The following GBP1 variants were observed in gnomAD, a reference collection of about 807,000 sequenced individuals.
The protein encoded by GBP1 is guanylate-binding protein 1.
In GBP1, 64 loss-of-function variants were observed where a neutral mutation model predicts 69.5. The ratio of observed to expected loss-of-function variants is 0.92; its 90% CI spans 0.75 to 1.13. The LOEUF (loss-of-function observed/expected upper bound fraction) is 1.13. GBP1 is among the 50% of genes most tolerant of loss of function. The pLI, the probability that GBP1 is intolerant of heterozygous loss-of-function variation, is 0.00. For synonymous variants in GBP1, 250 were observed against 261.2 expected, an observed-to-expected ratio of 0.96 and a Z score of 0.41; for missense variants, 630 against 704.1, an observed-to-expected ratio of 0.89 and a Z score of 1.19.
chr1:89,064,608 G>A lies in GBP1; in HGVS notation c.-20+552C>T, dbSNP rs1225977066. Among the ~76,000 whole-genome samples the A allele has an allele frequency of 7.2e-5, 11 of 152,264 alleles. No homozygotes were observed. In the East Asian group the frequency reaches 1.5e-3, roughly 21 times the overall value. ...CCATTCTGAAACAAAGTTCACAAGT[G>A]TAATAAAAAGTATACTGTTTTCATG... On this transcript the variant is annotated intron_variant, in intron 1 of 10. Coordinates refer to ENST00000370473, the MANE Select transcript of GBP1 (RefSeq NM_002053.3).
chr1:89,063,694 G>T (rs984937193), intron 1 of GBP1, among the ~76,000 whole-genome samples: 1 of 152,174 alleles, frequency 6.6e-6, no homozygotes, highest in Admixed American at 6.5e-5. Context: ...TTTACCCTTA[G>T]AAAAATTTCC....
At chr1:89,055,432 C>T in intron 8 of GBP1, 7 of 568,206 alleles carry the variant, frequency 1.2e-5, no homozygotes, top group Non-Finnish European at 2.2e-5. Flanking sequence ...AATATAGATA[C>T]TGGGAAAAGG....
Position 89,053,290 on chromosome 1 carries a change from T to A in GBP1, c.*65A>T, listed in dbSNP as rs144184106. Reference sequence around the variant, plus strand: ...TAATTATTATCAAATGTAGTGACGCTTGTTCCAAATTCTAAAATTGTTTCA... The same window carrying A: ...TAATTATTATCAAATGTAGTGACGCATGTTCCAAATTCTAAAATTGTTTCA... On this transcript the variant is annotated 3_prime_UTR_variant, in exon 11 of 11. Transcript: ENST00000370473. The A allele has an allele frequency of 5.5e-5, 70 of 1,265,444 alleles. No individual in the cohort carries two copies. The African/African-American group carries it at 8.9e-4, about 16-fold the overall frequency. 78.4% of individuals were successfully genotyped at this position (1,265,444 alleles called of 1,614,324 possible). A position where few individuals can be genotyped will look rare whatever the true frequency, so the allele number is the denominator to read the frequency against.
chr1:89,053,763 C>T (rs1026878063), intron 10 of GBP1, among the ~76,000 whole-genome samples: 7 of 152,186 alleles, frequency 4.6e-5, no homozygotes, highest in East Asian at 1.9e-4. Flanking sequence ...TAGCAGAAGA[C>T]AGGTAAGAAA....
Position 89,057,024 on chromosome 1 carries a change from G to A in GBP1, c.985C>T (p.Gln329Ter), listed in dbSNP as rs1361177095. 1.2e-6 allele frequency: 2 copies of A among 1,614,188 alleles called. No homozygotes were observed. The highest frequency in any genetic ancestry group is 1.7e-6 in the Non-Finnish European group (2 of 1,180,034). ...TGTTCATAGTGGGCAATAGCCTTTT[G>A]CACTGCAGCTGAGTTCTCTATCTGG... is the stretch of plus-strand genomic sequence containing the variant. Reference protein sequence around the residue: ...LAQIENSAAVQKAIAHYEQQM... With the variant: ...LAQIENSAAV The change falls in exon 7 of 11, where the codon CAA becomes TAA. Residue 329 changes from glutamine to a stop codon, truncating the protein, a stop_gained. Coordinates refer to ENST00000370473, the MANE Select transcript of GBP1 (RefSeq NM_002053.3). LOFTEE classifies it high-confidence loss of function.
chr1:89,053,277 A>G lies in GBP1; in HGVS notation c.*78T>C. On this transcript the variant is annotated 3_prime_UTR_variant, in exon 11 of 11. Transcript: ENST00000370473. ...ATGATGCAAGATCTAATTATTATCAAATGTAGTGACGCTTGTTCCAAATTC... is the reference window on the plus strand; with the variant it reads ...ATGATGCAAGATCTAATTATTATCAGATGTAGTGACGCTTGTTCCAAATTC... The G allele has an allele frequency of 9.6e-7, 1 of 1,045,448 alleles. No homozygotes were observed. Among genetic ancestry groups the G allele is most frequent in the Non-Finnish European group, 1.4e-6 (1 of 706,000 alleles). 64.8% of individuals were successfully genotyped at this position (1,045,448 alleles called of 1,614,324 possible).
In GBP1 at chr1:89,053,423, T is replaced by C; in HGVS notation, c.1711A>G (p.Ile571Val). Residue 571 changes from isoleucine to valine, a missense_variant, in exon 11 of 11, where the codon ATA (isoleucine) becomes GTA (valine). Physicochemically the swap from Ile to Val is conservative, Grantham distance 29. This residue lies in a region of GBP1 where 71 missense variants were observed against 72.7 expected (regional missense o/e 0.98). Coordinates refer to ENST00000370473, the MANE Select transcript of GBP1 (RefSeq NM_002053.3). Reference sequence around the variant, plus strand: ...AGATCCTGTATCTCATTTTTCATTATTCTGCTTTCTTTTTGAAATCCCTCT... The same window carrying C: ...AGATCCTGTATCTCATTTTTCATTACTCTGCTTTCTTTTTGAAATCCCTCT... ...LKEGFQKESR[I>V]MKNEIQDLQT... is the part of the protein sequence containing the mutation. The C allele has an allele frequency of 1.2e-6, 2 of 1,614,000 alleles. No homozygotes were observed. The highest frequency in any genetic ancestry group is 2.2e-5 in the South Asian group (2 of 91,072).
chr1:89,052,970 G>A lies in GBP1; in HGVS notation c.*385C>T, dbSNP rs1383853000. On this transcript the variant is annotated 3_prime_UTR_variant, in exon 11 of 11. Coordinates refer to ENST00000370473, the MANE Select transcript of GBP1 (RefSeq NM_002053.3). Reference sequence around the variant, plus strand: ...AACTGTACATTGTCTTCACTAAGAAGCTAGGGTGGTTGTCCTTGATATTGG... The same window carrying A: ...AACTGTACATTGTCTTCACTAAGAAACTAGGGTGGTTGTCCTTGATATTGG... The A allele has an allele frequency of 2.4e-5, 4 of 168,002 alleles. No homozygotes were observed. The highest frequency in any genetic ancestry group is 5.1e-5 in the Non-Finnish European group (4 of 79,044). The allele number at this position is 168,002 out of a possible 1,614,324, so 10.4% of individuals were successfully genotyped here.
rs771169306 is a variant in GBP1, at chr1:89,057,154, G to T, written c.875-20C>A. The T allele has an allele frequency of 1.4e-5, 22 of 1,612,424 alleles. No homozygotes were observed. The highest frequency in any genetic ancestry group is 1.7e-5 in the Non-Finnish European group (20 of 1,178,664). Reference sequence around the variant, plus strand: ...CTAGACCTGCATATGAAGAACAAATGATAATGTTTCTGGTGGTAAAGAAAG... The same window carrying T: ...CTAGACCTGCATATGAAGAACAAATTATAATGTTTCTGGTGGTAAAGAAAG... On this transcript the variant is annotated intron_variant, in intron 6 of 10. Transcript: ENST00000370473.
At chr1:89,062,888 C>A in intron 2 of GBP1, 157 bp downstream of exon 2, 3 of 822,262 alleles carry the variant, frequency 3.6e-6, no homozygotes, top group Non-Finnish European at 1.9e-6. Flanking sequence ...TGATTCTTAT[C>A]CCCTAGAACA....
intron 1 of GBP1, among the ~76,000 whole-genome samples, chr1:89,064,748 G>A (rs1680294102): frequency 6.6e-6 from 1 of 152,096 alleles, no homozygotes; most frequent in Admixed American, 6.5e-5. Context: ...GAACCCGTTT[G>A]TAACTCTTCC....
intron 2 of GBP1, 112 bp downstream of exon 2, chr1:89,062,933 G>T: frequency 7.5e-7 from 1 of 1,329,480 alleles, no homozygotes; most frequent in Non-Finnish European, 1.1e-6. Flanking sequence ...TGAATGGAAA[G>T]TTAGCTTTCA....
chr1:89,062,126 T>C (rs1327415696), intron 2 of GBP1, among the ~76,000 whole-genome samples: 1 of 152,164 alleles, frequency 6.6e-6, no homozygotes, highest in African/African-American at 2.4e-5. Context: ...AAAGTTAACA[T>C]GCAATGACTG....
Position 89,057,129 on chromosome 1 carries a change from C to T in GBP1, c.880G>A (p.Glu294Lys). The T allele has an allele frequency of 1.2e-6, 2 of 1,614,200 alleles. No homozygotes were observed. The highest frequency in any genetic ancestry group is 1.7e-6 in the Non-Finnish European group (2 of 1,179,980). Residue 294 changes from glutamate to lysine, a missense_variant, in exon 7 of 11, where the codon GAG becomes AAG. This residue lies in a region of GBP1 where 367 missense variants were observed against 369.5 expected (regional missense o/e 0.99). Coordinates refer to ENST00000370473, the MANE Select transcript of GBP1 (RefSeq NM_002053.3). ...TTGACGTAGGTCAGCACCAGGCTCTCTAGACCTGCATATGAAGAACAAATG... is the reference window on the plus strand; with the variant it reads ...TTGACGTAGGTCAGCACCAGGCTCTTTAGACCTGCATATGAAGAACAAATG... ...GGIQVNGPRL[E>K]SLVLTYVNAI...
intron 1 of GBP1, among the ~76,000 whole-genome samples, chr1:89,064,372 A>T (rs1280208309): frequency 6.6e-6 from 1 of 152,148 alleles, no homozygotes; most frequent in Non-Finnish European, 1.5e-5. Flanking sequence ...GTCTGAGTGC[A>T]TGGAGAGGTT....
rs1388851929 is a variant in GBP1, at chr1:89,055,858, T to C, written c.1368+158A>G. 138 of 846,774 alleles carry C rather than the reference T, an allele frequency of 1.6e-4. No homozygotes were observed. In the East Asian group the frequency reaches 3.4e-3, roughly 21 times the overall value. The allele number at this position is 846,774 out of a possible 1,614,324, so 52.5% of individuals were successfully genotyped here. On this transcript the variant is annotated intron_variant, in intron 8 of 10. Transcript: ENST00000370473. The stretch of plus-strand genomic sequence containing the variant: ...CTCTCTTTGATGAGCACCTAGGACA[T>C]ATCTGGTATAACAGCCTGTTTGCAT...
chr1:89,056,041 T>C lies in GBP1; in HGVS notation c.1343A>G (p.Tyr448Cys). The C allele has an allele frequency of 6.2e-7, 1 of 1,613,990 alleles. No homozygotes were observed. Among genetic ancestry groups the C allele is most frequent in the Non-Finnish European group, 8.5e-7 (1 of 1,179,864 alleles). ...CTGTATCCCCTTCCTCGGTTCCTCA[T>C]AGTACTTTTTCTTCAGGTCTTGTAG... Reference protein sequence around the residue: ...QKLQDLKKKYYEEPRKGIQAE... With the variant: ...QKLQDLKKKYCEEPRKGIQAE... Residue 448 changes from tyrosine (Y) to cysteine (C), a missense_variant, in exon 8 of 11, where the codon TAT (tyrosine) becomes TGT (cysteine). By Grantham distance (194) the Tyr-to-Cys change is radical. Coordinates refer to ENST00000370473, the MANE Select transcript of GBP1 (RefSeq NM_002053.3).
At chr1:89,060,163 G>A in intron 3 of GBP1, 34 bp downstream of exon 3, 2 of 1,557,012 alleles carry the variant, frequency 1.3e-6, no homozygotes, top group Non-Finnish European at 1.7e-6. Flanking sequence ...CAGAGAGGAG[G>A]GGCTTACTCC....
At position 89,063,235 on chromosome 1, in the gene GBP1, G is replaced by T. The variant is rs753079521; in HGVS notation, c.-1C>A. The T allele has an allele frequency of 1.6e-5, 26 of 1,613,624 alleles. No homozygotes were observed. Among genetic ancestry groups the T allele is most frequent in the Admixed American group, 5.0e-5 (3 of 59,972 alleles). On this transcript the variant is annotated 5_prime_UTR_variant, in exon 2 of 11. Coordinates refer to ENST00000370473, the MANE Select transcript of GBP1 (RefSeq NM_002053.3). ...CTGTCATGTGGATCTCTGATGCCAT[G>T]TCCAGGCTGTTCCCTTGTCTGCAAG... is the stretch of plus-strand genomic sequence containing the variant.
Sources: gnomAD v4.1 joint callset for allele counts (sites outside exome capture counted in the v4.1 genomes callset) on GRCh38, gnomAD v4.1.1 for gene constraint, gnomAD v4.1.1 regional missense constraint, MANE v1.5 for transcripts, NCBI Gene and HGNC (gene_info 2026-07-23, HGNC 2026-07-21) for gene names.